The following NUDCD3 variants were observed in gnomAD, a reference collection of about 807,000 sequenced individuals.
The protein encoded by NUDCD3 is nudC domain-containing protein 3.
NUDCD3 carries 13 observed loss-of-function variants against 39.7 expected under a neutral mutation model. That is an observed-to-expected ratio of 0.33 (90% CI 0.21 to 0.52). The LOEUF is 0.52. Among genes scored for constraint, NUDCD3 ranks in the 20% least tolerant of loss-of-function variants. NUDCD3 has a pLI of 0.96. For synonymous variants in NUDCD3, 175 were observed against 172.4 expected (o/e 1.02, Z -0.12); for missense variants, 453 against 458.1 (o/e 0.99, Z 0.10).
intron 1 of NUDCD3, among the ~76,000 whole-genome samples, chr7:44,487,313 G>A (rs1248309391): frequency 2.6e-5 from 4 of 152,122 alleles, no homozygotes; most frequent in East Asian, 1.9e-4. Flanking sequence ...TTAAGGGAAC[G>A]CTTTGAAGTT....
rs542699438 is a variant in NUDCD3, at chr7:44,439,367, G to A, written c.510-11664C>T. Reference sequence around the variant, plus strand: ...GTAAAAAAGAGGTATGTGTCACAGTGGGGTAGTAAACACACATCCATGTCC... The same window carrying A: ...GTAAAAAAGAGGTATGTGTCACAGTAGGGTAGTAAACACACATCCATGTCC... On this transcript the variant is annotated intron_variant, in intron 2 of 5. Coordinates refer to ENST00000355451, the MANE Select transcript of NUDCD3 (RefSeq NM_015332.4). Among the ~76,000 whole-genome samples, 16 of 152,224 alleles carry A rather than the reference G, an allele frequency of 1.1e-4. No homozygotes were observed. In the South Asian group the frequency reaches 3.3e-3, roughly 32 times the overall value.
chr7:44,390,255 T>C (rs1798487569), intron 5 of NUDCD3, among the ~76,000 whole-genome samples: 1 of 152,016 alleles, frequency 6.6e-6, no homozygotes, highest in African/African-American at 2.4e-5. Context: ...TCCCAGCTAC[T>C]CAGGAGGCTG....
At chr7:44,389,857 G>A (rs1414248168) in intron 5 of NUDCD3, among the ~76,000 whole-genome samples, 1 of 151,678 alleles carries the variant, frequency 6.6e-6, no homozygotes. Context: ...GAAGGGGAGG[G>A]GCAAGGATGT....
chr7:44,459,302 A>T (rs1799963426), intron 2 of NUDCD3, among the ~76,000 whole-genome samples: 1 of 151,428 alleles, frequency 6.6e-6, no homozygotes, highest in Non-Finnish European at 1.5e-5. Context: ...GGGCTCAAGC[A>T]ATTCTCCCAT....
At chr7:44,463,992 T>C (rs1800069599) in intron 2 of NUDCD3, among the ~76,000 whole-genome samples, 1 of 151,820 alleles carries the variant, frequency 6.6e-6, no homozygotes, top group Non-Finnish European at 1.5e-5. Context: ...GGCAGGTGGA[T>C]CATCTGAGGT....
In NUDCD3 at chr7:44,490,471, G is replaced by C; in HGVS notation, c.130C>G (p.Leu44Val). The change falls in exon 1 of 6, where the codon CTG becomes GTG. Residue 44 changes from leucine to valine, a missense_variant. By Grantham distance (32) the Leu-to-Val change is conservative. Transcript: ENST00000355451. ...LYRKTDFYRLLRHPSDRMGFP... is the reference protein window; with the variant it reads ...LYRKTDFYRLVRHPSDRMGFP... ...CCCATGCGGTCCGATGGGTGGCGCA[G>C]CAAGCGATAGAAGTCTGTCTTGCGG... The C allele has an allele frequency of 6.2e-7, 1 of 1,604,568 alleles. No individual in the cohort carries two copies. The highest frequency in any genetic ancestry group is 1.1e-5 in the South Asian group (1 of 89,700).
rs1053888075 is a variant in NUDCD3, at chr7:44,445,349, T to C, written c.510-17646A>G. On this transcript the variant is annotated intron_variant, in intron 2 of 5. Transcript: ENST00000355451. ...AAAGATAAGCCCCAATTCTTTAGCATGAATCAGGGTCTTGGCAGGGCAGAG... is the reference window on the plus strand; with the variant it reads ...AAAGATAAGCCCCAATTCTTTAGCACGAATCAGGGTCTTGGCAGGGCAGAG... Among the ~76,000 whole-genome samples, 2 of 152,246 alleles carry C rather than the reference T, an allele frequency of 1.3e-5. 1 individual carries two copies. Among genetic ancestry groups the C allele is most frequent in the Admixed American group, 1.3e-4 (2 of 15,286 alleles).
intron 4 of NUDCD3, chr7:44,402,825 C>A: frequency 2.6e-6 from 1 of 385,344 alleles, no homozygotes; most frequent in Admixed American, 2.8e-5. Context: ...GTAATACAGG[C>A]GGCCAGGGCT....
chr7:44,388,453 C>CTGT (rs1798443325), intron 5 of NUDCD3, among the ~76,000 whole-genome samples: 1 of 152,246 alleles, frequency 6.6e-6, no homozygotes, highest in Non-Finnish European at 1.5e-5. Flanking sequence ...ACACACCTAC[C>CTGT]TTCTAGGTGT....
intron 1 of NUDCD3, among the ~76,000 whole-genome samples, chr7:44,488,866 G>C (rs984499386): frequency 1.3e-5 from 2 of 152,130 alleles, no homozygotes; most frequent in Non-Finnish European, 2.9e-5. Flanking sequence ...TGAGTGCTCT[G>C]TCAGTTCATC....
intron 2 of NUDCD3, among the ~76,000 whole-genome samples, chr7:44,449,033 ACAGGGAGTGGTAGAGAG>A (rs1799738796): frequency 6.6e-6 from 1 of 152,210 alleles, no homozygotes; most frequent in South Asian, 2.1e-4. Flanking sequence ...AGGACCAAAC[ACAGGGAGTGGTAGAGAG>A]CATGGAACAG....
chr7:44,410,067 AC>A (rs1434373334), intron 3 of NUDCD3, among the ~76,000 whole-genome samples: 4 of 152,196 alleles, frequency 2.6e-5, no homozygotes, highest in Non-Finnish European at 5.9e-5. Context: ...AAGCATACCA[AC>A]ATACAGAAGA....
At chr7:44,389,242 G>A (rs1272302027) in intron 5 of NUDCD3, among the ~76,000 whole-genome samples, 1 of 151,070 alleles carries the variant, frequency 6.6e-6, no homozygotes, top group African/African-American at 2.4e-5. Flanking sequence ...CACCCCTTGA[G>A]GTTGGCCTGT....
chr7:44,398,732 G>A (rs753583822), intron 4 of NUDCD3, among the ~76,000 whole-genome samples: 15 of 152,274 alleles, frequency 9.9e-5, no homozygotes, highest in South Asian at 6.2e-4. Context: ...AGCTGCCCGC[G>A]TGATCGAGAC....
intron 2 of NUDCD3, among the ~76,000 whole-genome samples, chr7:44,472,561 T>C (rs1215813088): frequency 1.3e-5 from 2 of 152,188 alleles, no homozygotes; most frequent in Admixed American, 1.3e-4. Flanking sequence ...ACGGGAATAT[T>C]TGAGAAAAGT....
intron 2 of NUDCD3, among the ~76,000 whole-genome samples, chr7:44,445,242 C>T (rs558406315): frequency 6.6e-6 from 1 of 152,204 alleles, no homozygotes; most frequent in African/African-American, 2.4e-5. Flanking sequence ...CCTACCTTGT[C>T]CACCCTGACT....
intron 3 of NUDCD3, among the ~76,000 whole-genome samples, chr7:44,406,088 C>T (rs1413151537): frequency 6.6e-6 from 1 of 152,204 alleles, no homozygotes; most frequent in Non-Finnish European, 1.5e-5. Flanking sequence ...TGTGAGCCAC[C>T]ACATCCAGCC....
intron 3 of NUDCD3, among the ~76,000 whole-genome samples, chr7:44,407,692 A>G (rs879342888): frequency 1.2e-4 from 18 of 152,116 alleles, no homozygotes; most frequent in Non-Finnish European, 2.1e-4. Context: ...AAATATTTCT[A>G]TTTTATGTCT....
At chr7:44,433,200 T>C (rs1248865755) in intron 2 of NUDCD3, among the ~76,000 whole-genome samples, 1 of 152,190 alleles carries the variant, frequency 6.6e-6, no homozygotes, top group Admixed American at 6.5e-5. Flanking sequence ...GAAGTAAATT[T>C]CTCACAGAAG....
Sources: allele counts gnomAD v4.1 joint callset (sites outside exome capture counted in the v4.1 genomes callset), GRCh38; gene constraint gnomAD v4.1.1; transcripts MANE v1.5; gene names NCBI Gene and HGNC (gene_info 2026-07-23, HGNC 2026-07-21).